Variants in LAS1L observed in about 807,000 individuals in gnomAD.
The protein encoded by LAS1L is ribosomal biogenesis protein LAS1L.
A neutral mutation model predicts 57.3 loss-of-function variants in LAS1L; 5 were observed. That is an observed-to-expected ratio of 0.09 (90% CI 0.05 to 0.18). The LOEUF (loss-of-function observed/expected upper bound fraction) is 0.18. Ranked by LOEUF, LAS1L falls within the 10% of genes least tolerant of loss-of-function variation. The pLI is 1.00. For synonymous variants in LAS1L, 245 were observed against 231.7 expected, an observed-to-expected ratio of 1.06 and a Z score of -0.52; for missense variants, 360 against 568.3, an observed-to-expected ratio of 0.63 and a Z score of 3.73.
chrX:65,521,677 G>C (rs1282918232), intron 11 of LAS1L: 2 of 111,840 alleles, frequency 1.8e-5, no homozygotes, highest in African/African-American at 6.5e-5. Flanking sequence ...GAATCTTGGG[G>C]GAGGGGCCAG....
At chrX:65,514,528 G>A (rs952217543) in intron 13 of LAS1L, among the ~76,000 whole-genome samples, 1 of 52,216 alleles carries the variant, frequency 1.9e-5, no homozygotes, top group African/African-American at 8.5e-5. Flanking sequence ...ATGTGTGTGT[G>A]TGCCTGCACA....
chrX:65,520,938 A>G, intron 11 of LAS1L: 9 of 753,731 alleles, frequency 1.2e-5, no homozygotes, highest in Non-Finnish European at 1.4e-5. Flanking sequence ...AACTTGCTTT[A>G]TTCTTTCTCC....
intron 3 of LAS1L, 29 bp downstream of exon 3, chrX:65,532,532 A>G (rs1188695685): frequency 1.5e-5 from 17 of 1,153,568 alleles, no homozygotes; most frequent in Non-Finnish European, 2.0e-5. Context: ...TGGAGACAGA[A>G]TTGAGCAAGT....
chrX:65,527,210 CAAAAAAAAAAAAAAAAAAA>C lies in LAS1L; in HGVS notation c.956+1031_956+1049del, dbSNP rs869258564. Among the ~76,000 whole-genome samples the C allele has an allele frequency of 4.4e-3, 48 of 10,999 alleles. 1 individual carries two copies. Among genetic ancestry groups the C allele is most frequent in the South Asian group, 0.029 (1 of 35 alleles). The allele number at this position is 10,999 out of a possible 115,157, so 9.6% of individuals were successfully genotyped here. The stretch of plus-strand genomic sequence containing the variant: ...CGTGGGCAATAGCGAAACTCTGTCT[CAAAAAAAAAAAAAAAAAAA>C]AAAAAAAAAAAAAAAAAAAGACCAG... On this transcript the variant is annotated intron_variant, in intron 7 of 13. Coordinates refer to ENST00000374811, the MANE Select transcript of LAS1L (RefSeq NM_031206.7).
intron 2 of LAS1L, 52 bp downstream of exon 2, chrX:65,533,558 C>A (rs1354960121): frequency 2.5e-5 from 30 of 1,182,292 alleles, no homozygotes; most frequent in Non-Finnish European, 3.4e-5. Context: ...CATGCCTCCC[C>A]TGCCTCCAGT....
intron 4 of LAS1L, among the ~76,000 whole-genome samples, chrX:65,530,652 CA>C (rs774607692): frequency 7.2e-4 from 71 of 98,465 alleles, no homozygotes; most frequent in Admixed American, 1.1e-3. Flanking sequence ...ACTAAAAATA[CA>C]AAAAAAAAAA....
intron 6 of LAS1L, among the ~76,000 whole-genome samples, chrX:65,528,647 T>TA (rs1246116694): frequency 8.9e-6 from 1 of 112,650 alleles, no homozygotes; most frequent in African/African-American, 3.2e-5. Flanking sequence ...TGGCTGGAGA[T>TA]AGAGACTCTT....
chrX:65,517,869 C>T (rs2068708791), intron 12 of LAS1L, 118 bp downstream of exon 12: 17 of 1,077,762 alleles, frequency 1.6e-5, no homozygotes, highest in Non-Finnish European at 2.0e-5. Context: ...GGCTGCCTTC[C>T]AGGCTTGCCT....
rs770884089 is a variant in LAS1L, at chrX:65,526,549, C to T, written c.957-1499G>A. 1.4e-4 allele frequency among the ~76,000 whole-genome samples: 16 copies of T among 111,332 alleles called. No individual in the cohort carries two copies. The South Asian group carries it at 6.0e-3, about 42-fold the overall frequency. Reference sequence around the variant, plus strand: ...TGAAGAGAAGACTCCAGGGGCAATCCCAGCCTACACTGCAGTTCTCACCCA... The same window carrying T: ...TGAAGAGAAGACTCCAGGGGCAATCTCAGCCTACACTGCAGTTCTCACCCA... On this transcript the variant is annotated intron_variant, in intron 7 of 13. Transcript: ENST00000374811.
At chrX:65,525,663 G>A (rs749347831) in intron 7 of LAS1L, among the ~76,000 whole-genome samples, 1 of 103,467 alleles carries the variant, frequency 9.7e-6, no homozygotes, top group Non-Finnish European at 1.9e-5. Flanking sequence ...ACCCATTTAT[G>A]CCGAGTGTTC....
At chrX:65,517,861 C>T (rs777859131) in intron 12 of LAS1L, 126 bp downstream of exon 12, 233 of 1,076,558 alleles carry the variant, frequency 2.2e-4, no homozygotes, top group Middle Eastern at 3.5e-4. Context: ...ATGCACCAGG[C>T]TGCCTTCCAG....
intron 7 of LAS1L, among the ~76,000 whole-genome samples, chrX:65,525,748 CAAAAAAAAAAA>C (rs772564998): frequency 2.6e-5 from 1 of 38,258 alleles, no homozygotes; most frequent in Admixed American, 3.0e-4. Context: ...TCTGATTTTT[CAAAAAAAAAAA>C]AAAAAAAAAG....
chrX:65,518,438 C>G lies in LAS1L; in HGVS notation c.1476G>C (p.Leu492=). The part of the protein sequence containing the change: ...RIIFKAMGQG[L]PDEEQEKLLR... ...GCAGCTTCTCCTGCTCCTCGTCTGG[C>G]AGGCCCTGCCCCATGGCTTTGAAGA... The change falls in exon 12 of 14, where the codon CTG becomes CTC. Residue 492 remains leucine (L), a synonymous_variant. Coordinates refer to ENST00000374811, the MANE Select transcript of LAS1L (RefSeq NM_031206.7). 8.3e-7 allele frequency: 1 copy of G among 1,207,171 alleles called. No individual in the cohort carries two copies. The highest frequency in any genetic ancestry group is 1.1e-6 in the Non-Finnish European group (1 of 893,212).
chrX:65,512,948 C>A (rs1198480094), intron 13 of LAS1L, 47 bp from the exon 14 acceptor site: 1 of 1,128,728 alleles, frequency 8.9e-7, no homozygotes, highest in South Asian at 2.1e-5. Flanking sequence ...CAGCTTTAGG[C>A]TCTGGAGGGG....
At chrX:65,532,802 TGA>T (rs2069566134) in intron 2 of LAS1L, among the ~76,000 whole-genome samples, 172 bp from the exon 3 acceptor site, 1 of 112,327 alleles carries the variant, frequency 8.9e-6, no homozygotes, top group South Asian at 3.6e-4. Context: ...CAACATTTAA[TGA>T]GAGTCTGCCC....
intron 13 of LAS1L, among the ~76,000 whole-genome samples, chrX:65,514,095 C>G (rs2068539169): frequency 8.9e-6 from 1 of 112,158 alleles, no homozygotes; most frequent in Admixed American, 9.4e-5. Flanking sequence ...GACTTAGTTT[C>G]AGGGGCCCGC....
chrX:65,516,949 AC>A (rs2068658415), intron 12 of LAS1L, among the ~76,000 whole-genome samples: 1 of 110,492 alleles, frequency 9.1e-6, no homozygotes, highest in Admixed American at 9.7e-5. Flanking sequence ...TGCACACCCC[AC>A]ATCACGCAGG....
chrX:65,524,145 G>A lies in LAS1L; in HGVS notation c.1211C>T (p.Ser404Phe). Residue 404 changes from serine to phenylalanine, a missense_variant, in exon 10 of 14, where the codon TCT becomes TTT. Physicochemically the swap from Ser to Phe is radical, Grantham distance 155 (BLOSUM62 -2). This residue lies in a region of LAS1L where 81 missense variants were observed against 192.1 expected (regional missense o/e 0.42). Coordinates refer to ENST00000374811, the MANE Select transcript of LAS1L (RefSeq NM_031206.7). The part of the protein sequence containing the change: ...FTQALLERML[S>F]ELPALGISGI... ...GCTGATCCCCAAGGCTGGCAGTTCAGAGAGCATCCTCTCCAATAGGGCCTG... is the reference window on the plus strand; with the variant it reads ...GCTGATCCCCAAGGCTGGCAGTTCAAAGAGCATCCTCTCCAATAGGGCCTG... The A allele has an allele frequency of 8.3e-7, 1 of 1,211,213 alleles. No homozygotes were observed. Among genetic ancestry groups the A allele is most frequent in the East Asian group, 3.0e-5 (1 of 33,815 alleles).
chrX:65,534,452 G>A (rs774653269), intron 1 of LAS1L, 28 bp downstream of exon 1: 1 of 1,111,918 alleles, frequency 9.0e-7, no homozygotes, highest in South Asian at 1.9e-5. Flanking sequence ...CCAGCACGCA[G>A]GCAAAAGGGC....
Sources: allele counts gnomAD v4.1 joint callset (sites outside exome capture counted in the v4.1 genomes callset), GRCh38; gene constraint gnomAD v4.1.1; regional missense constraint gnomAD v4.1.1; transcripts MANE v1.5; gene names NCBI Gene and HGNC (gene_info 2026-07-23, HGNC 2026-07-21).